IGSF11: variants seen among roughly 807,000 people sequenced by gnomAD.
IGSF11 encodes CXADR like 1.
Under a neutral mutation model 41.0 loss-of-function variants are expected in IGSF11, and 22 were observed. The observed-to-expected ratio is 0.54, with a 90% CI of 0.38 to 0.77. The LOEUF is 0.77. Among genes scored for constraint, IGSF11 ranks in the 30% least tolerant of loss-of-function variants. The probability of loss-of-function intolerance (pLI) is 0.00; values close to 1 mark genes in which losing one functional copy is unlikely to be tolerated. For missense variants in IGSF11, 444 were observed against 530.8 expected (o/e 0.84, Z 1.61); for synonymous variants, 219 against 201.3 (o/e 1.09, Z -0.74).
intron 1 of IGSF11, among the ~76,000 whole-genome samples, chr3:118,945,623 T>A (rs796937762): frequency 5.9e-5 from 9 of 152,314 alleles, no homozygotes; most frequent in African/African-American, 2.2e-4. Flanking sequence ...TAGAAGGCAC[T>A]GTATTGTTGA....
chr3:119,111,204 T>C (rs1002705641), intron 1 of IGSF11, among the ~76,000 whole-genome samples: 2 of 152,194 alleles, frequency 1.3e-5, no homozygotes, highest in African/African-American at 4.8e-5. Flanking sequence ...TTGGTTCCAT[T>C]CTCCCCATCA....
intron 1 of IGSF11, among the ~76,000 whole-genome samples, chr3:119,085,480 G>C (rs2076656444): frequency 6.6e-6 from 1 of 152,178 alleles, no homozygotes; most frequent in Non-Finnish European, 1.5e-5. Context: ...CAAAAAGCCA[G>C]AGTGTCCCCT....
intron 1 of IGSF11, among the ~76,000 whole-genome samples, chr3:118,984,782 G>A (rs574811757): frequency 1.3e-5 from 2 of 152,142 alleles, no homozygotes; most frequent in Non-Finnish European, 2.9e-5. Context: ...TACCCTCCAC[G>A]CTGAGACAAG....
intron 1 of IGSF11, among the ~76,000 whole-genome samples, chr3:119,021,292 C>A (rs1175724305): frequency 1.3e-5 from 2 of 151,936 alleles, no homozygotes; most frequent in Non-Finnish European, 2.9e-5. Flanking sequence ...AAAAACTTAA[C>A]CTCAACTCCA....
intron 1 of IGSF11, among the ~76,000 whole-genome samples, chr3:119,124,686 A>C (rs1379587753): frequency 6.6e-6 from 1 of 152,124 alleles, no homozygotes; most frequent in Non-Finnish European, 1.5e-5. Context: ...TAGTTTCAAA[A>C]GGGTAAATCT....
chr3:119,079,187 G>A (rs1014139362), intron 1 of IGSF11, among the ~76,000 whole-genome samples: 1 of 151,998 alleles, frequency 6.6e-6, no homozygotes, highest in Non-Finnish European at 1.5e-5. Context: ...GTGAAATCCT[G>A]TCTCTACTAA....
At chr3:118,964,119 G>A (rs1450218587) in intron 1 of IGSF11, among the ~76,000 whole-genome samples, 1 of 152,100 alleles carries the variant, frequency 6.6e-6, no homozygotes, top group African/African-American at 2.4e-5. Context: ...CTTCACCTGA[G>A]TTCTTTCACA....
At chr3:118,926,988 A>C (rs968848367) in intron 3 of IGSF11, among the ~76,000 whole-genome samples, 1 of 152,204 alleles carries the variant, frequency 6.6e-6, no homozygotes, top group African/African-American at 2.4e-5. Context: ...TTTATGATTT[A>C]TTTGTAATGC....
At chr3:119,030,800 CCAAA>C (rs752033077) in intron 1 of IGSF11, among the ~76,000 whole-genome samples, 1 of 152,038 alleles carries the variant, frequency 6.6e-6, no homozygotes, top group Non-Finnish European at 1.5e-5. Flanking sequence ...CTAGCCCTCA[CCAAA>C]CAAAGAAAGT....
chr3:119,090,379 CTA>C, intron 1 of IGSF11, among the ~76,000 whole-genome samples: 1 of 152,238 alleles, frequency 6.6e-6, no homozygotes, highest in South Asian at 2.1e-4. Context: ...ATTAGAAAAA[CTA>C]TTCTAAAATT....
At chr3:119,075,060 A>C (rs1266937539) in intron 1 of IGSF11, among the ~76,000 whole-genome samples, 2 of 152,164 alleles carry the variant, frequency 1.3e-5, no homozygotes, top group African/African-American at 4.8e-5. Context: ...GTTCTTCAAA[A>C]GAATAAGTAA....
At chr3:118,935,405 CACATATACATACGTATAT>C (rs944490573) in intron 1 of IGSF11, among the ~76,000 whole-genome samples, 7 of 144,656 alleles carry the variant, frequency 4.8e-5, no homozygotes, top group African/African-American at 1.8e-4. Flanking sequence ...CATACACACA[CACATATACATACGTATAT>C]ACATATACGT....
At chr3:119,079,359 T>A (rs1450243768) in intron 1 of IGSF11, among the ~76,000 whole-genome samples, 1 of 147,840 alleles carries the variant, frequency 6.8e-6, no homozygotes. Flanking sequence ...AAACTCCGTC[T>A]CAAAAAAAAA....
intron 1 of IGSF11, among the ~76,000 whole-genome samples, chr3:119,144,119 A>G (rs73185889): frequency 0.24 from 36,920 of 151,994 alleles, 4,587 homozygotes; most frequent in South Asian, 0.3. Flanking sequence ...TGGCACAATC[A>G]TGGCTCAGAC....
At chr3:118,906,880 G>T (rs950396399) in intron 4 of IGSF11, among the ~76,000 whole-genome samples, 1 of 152,104 alleles carries the variant, frequency 6.6e-6, no homozygotes, top group Middle Eastern at 3.2e-3. Flanking sequence ...AACAGTCAAG[G>T]AGACTGAAGC....
intron 1 of IGSF11, among the ~76,000 whole-genome samples, chr3:118,963,145 T>C (rs1030911823): frequency 5.9e-5 from 9 of 152,188 alleles, no homozygotes; most frequent in Admixed American, 2.6e-4. Context: ...TTATCTGTCA[T>C]ACCCGCTTAA....
rs185040171 is a variant in IGSF11, at chr3:118,995,410, T to C, written c.52+39121A>G. Among the ~76,000 whole-genome samples, 16 of 152,214 alleles carry C rather than the reference T, an allele frequency of 1.1e-4. No individual in the cohort carries two copies. In the South Asian group the frequency reaches 3.1e-3, roughly 30 times the overall value. ...AGAACCCTGACAGCTCAGCAGAAGATGGTGTGGAAATTTTTGAACTAAAGA... is the reference window on the plus strand; with the variant it reads ...AGAACCCTGACAGCTCAGCAGAAGACGGTGTGGAAATTTTTGAACTAAAGA... On this transcript the variant is annotated intron_variant, in intron 1 of 6. Coordinates refer to ENST00000393775, the MANE Select transcript of IGSF11 (RefSeq NM_001015887.3).
At chr3:119,040,105 G>T (rs144003737) in intron 1 of IGSF11, among the ~76,000 whole-genome samples, 29 of 152,260 alleles carry the variant, frequency 1.9e-4, no homozygotes, top group African/African-American at 7.0e-4. Flanking sequence ...GCAGCCAGAG[G>T]CTACAAGATT....
At chr3:119,023,506 G>A (rs1304727624) in intron 1 of IGSF11, among the ~76,000 whole-genome samples, 1 of 152,030 alleles carries the variant, frequency 6.6e-6, no homozygotes, top group South Asian at 2.1e-4. Context: ...AAATCAGCCT[G>A]CCAGAGATTT....
Sources: gnomAD v4.1 joint callset for allele counts (sites outside exome capture counted in the v4.1 genomes callset) on GRCh38, gnomAD v4.1.1 for gene constraint, MANE v1.5 for transcripts, NCBI Gene and HGNC (gene_info 2026-07-23, HGNC 2026-07-21) for gene names.